Variants in CNTN5 observed in about 807,000 individuals in gnomAD.
CNTN5 encodes the protein contactin 5.
CNTN5 carries 77 observed loss-of-function variants against 129.1 expected under a neutral mutation model. The ratio of observed to expected loss-of-function variants is 0.60; its 90% CI spans 0.50 to 0.72. The LOEUF is 0.72. CNTN5 is among the 30% of genes least tolerant of loss of function. The pLI is 0.00. For missense variants in CNTN5, 1,478 were observed against 1,328.8 expected, an observed-to-expected ratio of 1.11 and a Z score of -1.75; for synonymous variants, 509 against 465.6, an observed-to-expected ratio of 1.09 and a Z score of -1.20.
At chr11:99,106,399 TATA>T (rs1340372035) in intron 1 of CNTN5, among the ~76,000 whole-genome samples, 1 of 152,046 alleles carries the variant, frequency 6.6e-6, no homozygotes, top group African/African-American at 2.4e-5. Context: ...TGTGCAGTAT[TATA>T]AAAATTATGA....
chr11:100,287,458 T>C (rs562939496), intron 18 of CNTN5, among the ~76,000 whole-genome samples: 125 of 151,320 alleles, frequency 8.3e-4, no homozygotes, highest in Admixed American at 6.8e-3. Flanking sequence ...ATATTCAACA[T>C]TCTTAAAGGA....
rs551470667 is a variant in CNTN5 at position 100,093,048 on chromosome 11, T to C, written c.1580+18754T>C. ...TGTACATGAGCCTCTTCAGCAGCAA[T>C]ATACAGTATCTGCCTCCTCTCTCAA... On this transcript the variant is annotated intron_variant, in intron 13 of 24. Transcript: ENST00000524871. 1.2e-4 allele frequency among the ~76,000 whole-genome samples: 18 copies of C among 152,210 alleles called. 1 individual carries two copies. In the South Asian group the frequency reaches 2.3e-3, roughly 19 times the overall value.
intron 9 of CNTN5, among the ~76,000 whole-genome samples, chr11:100,043,006 A>G (rs182694951): frequency 6.6e-6 from 1 of 150,858 alleles, no homozygotes; most frequent in East Asian, 1.9e-4. Flanking sequence ...TCATTCTTCT[A>G]GTGTAGCTAA....
intron 2 of CNTN5, among the ~76,000 whole-genome samples, chr11:99,506,980 A>G (rs1340593928): frequency 6.6e-6 from 1 of 152,220 alleles, no homozygotes; most frequent in Non-Finnish European, 1.5e-5. Context: ...GCAGAATTTG[A>G]CATCTAACAT....
chr11:100,031,330 G>A (rs955262641), intron 9 of CNTN5, among the ~76,000 whole-genome samples: 1 of 152,204 alleles, frequency 6.6e-6, no homozygotes, highest in Non-Finnish European at 1.5e-5. Context: ...AGCGCATGAT[G>A]TGCTTCCCCC....
intron 21 of CNTN5, among the ~76,000 whole-genome samples, chr11:100,326,374 T>A (rs931386412): frequency 1.3e-5 from 2 of 152,108 alleles, no homozygotes; most frequent in African/African-American, 4.8e-5. Context: ...ACATTTAAGA[T>A]AGAGAAATTC....
chr11:99,052,366 G>T (rs112050016), intron 1 of CNTN5, among the ~76,000 whole-genome samples: 1 of 151,696 alleles, frequency 6.6e-6, no homozygotes, highest in African/African-American at 2.4e-5. Flanking sequence ...AGATTATAAC[G>T]TGCTATTTTT....
chr11:99,286,781 A>G (rs12363629), intron 1 of CNTN5, among the ~76,000 whole-genome samples: 23,679 of 148,708 alleles, frequency 0.16, 1,952 homozygotes, highest in South Asian at 0.26. Context: ...TTTTTAGCAT[A>G]AAATACAAAA....
chr11:99,128,090 A>G (rs1422884278), intron 1 of CNTN5, among the ~76,000 whole-genome samples: 1 of 152,226 alleles, frequency 6.6e-6, no homozygotes, highest in Non-Finnish European at 1.5e-5. Flanking sequence ...AAACAGGAGA[A>G]CTGTCCACTG....
intron 10 of CNTN5, among the ~76,000 whole-genome samples, chr11:100,068,678 A>C (rs1943787319): frequency 2.0e-5 from 3 of 152,194 alleles, no homozygotes; most frequent in African/African-American, 4.8e-5. Flanking sequence ...GGCAGGTACA[A>C]AAATCATGAT....
At chr11:99,431,738 T>A (rs1047152382) in intron 2 of CNTN5, among the ~76,000 whole-genome samples, 1 of 152,156 alleles carries the variant, frequency 6.6e-6, no homozygotes, top group African/African-American at 2.4e-5. Context: ...CCAGCGTTAA[T>A]GACATGCCTA....
At chr11:99,424,141 C>T (rs1244775292) in intron 2 of CNTN5, among the ~76,000 whole-genome samples, 1 of 152,042 alleles carries the variant, frequency 6.6e-6, no homozygotes, top group African/African-American at 2.4e-5. Context: ...TAACAATAAC[C>T]TAATAATAAA....
intron 3 of CNTN5, among the ~76,000 whole-genome samples, chr11:99,782,771 C>A (rs1945359211): frequency 6.6e-6 from 1 of 151,834 alleles, no homozygotes; most frequent in Non-Finnish European, 1.5e-5. Context: ...AACTGGCTAG[C>A]CATATGTAGA....
intron 3 of CNTN5, among the ~76,000 whole-genome samples, chr11:99,620,900 T>C (rs1470776018): frequency 6.6e-6 from 1 of 150,816 alleles, no homozygotes; most frequent in Non-Finnish European, 1.5e-5. Flanking sequence ...TTTAGAGAAA[T>C]TTAAGCATCT....
At chr11:99,155,869 T>A (rs1011028558) in intron 1 of CNTN5, among the ~76,000 whole-genome samples, 1 of 152,126 alleles carries the variant, frequency 6.6e-6, no homozygotes, top group Non-Finnish European at 1.5e-5. Flanking sequence ...CATAACCTGG[T>A]CATCAAATAA....
At chr11:99,929,738 C>CA (rs1198031567) in intron 7 of CNTN5, among the ~76,000 whole-genome samples, 1 of 152,138 alleles carries the variant, frequency 6.6e-6, no homozygotes, top group African/African-American at 2.4e-5. Flanking sequence ...CCTCCTAAGA[C>CA]ATGTGGAGAT....
intron 18 of CNTN5, among the ~76,000 whole-genome samples, chr11:100,276,240 G>T (rs532929202): frequency 1.3e-5 from 2 of 151,778 alleles, no homozygotes; most frequent in African/African-American, 2.4e-5. Flanking sequence ...TGAATTTTCC[G>T]GTCATCAAGA....
intron 1 of CNTN5, among the ~76,000 whole-genome samples, chr11:99,101,653 G>A (rs926650682): frequency 1.3e-4 from 20 of 152,304 alleles, no homozygotes; most frequent in Middle Eastern, 3.4e-3. Flanking sequence ...CTCTGACTCC[G>A]TGTCTTATAT....
At chr11:100,341,259 T>C (rs1303562757) in intron 23 of CNTN5, 54 bp downstream of exon 23, 8 of 1,309,320 alleles carry the variant, frequency 6.1e-6, no homozygotes, top group Non-Finnish European at 5.5e-6. Flanking sequence ...ATTGTTATTA[T>C]GAAGATGGAA....
Sources: allele counts gnomAD v4.1 joint callset (sites outside exome capture counted in the v4.1 genomes callset), GRCh38; gene constraint gnomAD v4.1.1; transcripts MANE v1.5; gene names NCBI Gene and HGNC (gene_info 2026-07-23, HGNC 2026-07-21).